ABCC4: variants seen among roughly 807,000 people sequenced by gnomAD.
The protein encoded by ABCC4 is ATP binding cassette subfamily C member 4 (PEL blood group).
ABCC4 carries 102 observed loss-of-function variants against 168.5 expected under a neutral mutation model. The ratio of observed to expected loss-of-function variants is 0.61; its 90% CI spans 0.52 to 0.71. The LOEUF (loss-of-function observed/expected upper bound fraction) is 0.71. ABCC4 is among the 30% of genes least tolerant of loss of function. ABCC4 has a pLI of 0.00. For synonymous variants in ABCC4, 617 were observed against 590.7 expected, an observed-to-expected ratio of 1.04 and a Z score of -0.65; for missense variants, 1,402 against 1,605.8, an observed-to-expected ratio of 0.87 and a Z score of 2.17.
At chr13:95,193,851 G>A (rs2038334671) in intron 9 of ABCC4, among the ~76,000 whole-genome samples, 1 of 152,238 alleles carries the variant, frequency 6.6e-6, no homozygotes, top group Non-Finnish European at 1.5e-5. Flanking sequence ...GCATGATCCA[G>A]GATCCGATCA....
At chr13:95,149,502 T>G (rs1405323685) in intron 19 of ABCC4, among the ~76,000 whole-genome samples, 1 of 151,952 alleles carries the variant, frequency 6.6e-6, no homozygotes, top group African/African-American at 2.4e-5. Flanking sequence ...CCAAAGGAAA[T>G]AAATTTTATG....
rs1383462907 is a variant in ABCC4, at chr13:95,114,541, C to T, written c.2535+1381G>A. ...TGAGGGATAAATAATATAGCTAAACCCAGGAGGGCACATTTTAAAAATGTT... is the reference window on the plus strand; with the variant it reads ...TGAGGGATAAATAATATAGCTAAACTCAGGAGGGCACATTTTAAAAATGTT... On this transcript the variant is annotated intron_variant, in intron 20 of 30. Transcript: ENST00000645237. Among the ~76,000 whole-genome samples the T allele has an allele frequency of 2.0e-5, 3 of 151,914 alleles. No individual in the cohort carries two copies. In the East Asian group the frequency reaches 5.8e-4, roughly 29 times the overall value.
chr13:95,064,832 A>C (rs548729218), intron 25 of ABCC4, among the ~76,000 whole-genome samples: 1 of 152,322 alleles, frequency 6.6e-6, no homozygotes, highest in South Asian at 2.1e-4. Context: ...AAAGTCATCA[A>C]AATTACAGTC....
At chr13:95,081,528 A>T (rs2034095677) in intron 21 of ABCC4, among the ~76,000 whole-genome samples, 1 of 152,194 alleles carries the variant, frequency 6.6e-6, no homozygotes, top group African/African-American at 2.4e-5. Flanking sequence ...AGCAAGTCCT[A>T]TTGGCCAAGT....
intron 30 of ABCC4, among the ~76,000 whole-genome samples, chr13:95,025,182 C>T (rs2139195279): frequency 7.1e-6 from 1 of 141,738 alleles, no homozygotes; most frequent in East Asian, 2.1e-4. Context: ...CACACACCCA[C>T]ACACACCCAC....
intron 1 of ABCC4, among the ~76,000 whole-genome samples, chr13:95,282,588 G>A (rs1190055142): frequency 1.3e-5 from 2 of 151,836 alleles, no homozygotes; most frequent in South Asian, 2.1e-4. Flanking sequence ...AGGCTGGAGT[G>A]CAGTGGCACA....
At chr13:95,157,285 C>G (rs1040137669) in intron 19 of ABCC4, among the ~76,000 whole-genome samples, 1 of 151,294 alleles carries the variant, frequency 6.6e-6, no homozygotes, top group Non-Finnish European at 1.5e-5. Flanking sequence ...GGGAAAACTG[C>G]TATCTCAGTA....
In ABCC4 at chr13:95,206,700, G is replaced by A. The variant is rs550657413; in HGVS notation, c.993C>T (p.Ile331=). The change falls in exon 8 of 31, where the codon ATC becomes ATT. Residue 331 remains isoleucine (I), a synonymous_variant. Coordinates refer to ENST00000645237, the MANE Select transcript of ABCC4 (RefSeq NM_005845.5). ...LASFFSASKI[I]VFVTFTTYVL... The stretch of plus-strand genomic sequence containing the variant: ...CGTAGGTGGTGAAGGTCACAAACAC[G>A]ATGATTTTGCTTGCACTGAAAAATG... 8.7e-6 allele frequency: 14 copies of A among 1,614,138 alleles called. No homozygotes were observed. The East Asian group carries it at 8.9e-5, about 10-fold the overall frequency.
At chr13:95,242,492 CT>C (rs920196516) in intron 3 of ABCC4, among the ~76,000 whole-genome samples, 1 of 151,984 alleles carries the variant, frequency 6.6e-6, no homozygotes, top group Admixed American at 6.6e-5. Context: ...TCCCAAAGTG[CT>C]GGGATTACAG....
chr13:95,249,085 C>T (rs2040190270), intron 1 of ABCC4, among the ~76,000 whole-genome samples: 1 of 151,882 alleles, frequency 6.6e-6, no homozygotes, highest in Non-Finnish European at 1.5e-5. Context: ...GCCAGATGTA[C>T]TGGTGTAAGC....
chr13:95,164,820 G>C (rs916621748), intron 15 of ABCC4, among the ~76,000 whole-genome samples: 4 of 151,998 alleles, frequency 2.6e-5, no homozygotes, highest in Admixed American at 1.3e-4. Context: ...TCAGCCTCCT[G>C]AGTAGCAGGG....
intron 25 of ABCC4, among the ~76,000 whole-genome samples, chr13:95,066,352 A>G (rs1327108620): frequency 6.6e-6 from 1 of 152,180 alleles, no homozygotes; most frequent in Non-Finnish European, 1.5e-5. Flanking sequence ...AAATCTGCGA[A>G]TTCCTTCTAT....
chr13:95,194,786 T>C (rs754337647), intron 9 of ABCC4, 50 bp downstream of exon 9: 9 of 1,447,510 alleles, frequency 6.2e-6, no homozygotes, highest in Non-Finnish European at 8.7e-6. Context: ...ATTAAATCAA[T>C]GTCACTCATT....
intron 20 of ABCC4, among the ~76,000 whole-genome samples, chr13:95,102,740 C>T (rs1284659146): frequency 1.3e-5 from 2 of 151,618 alleles, no homozygotes; most frequent in South Asian, 2.1e-4. Flanking sequence ...CCTGCCTCAG[C>T]CCCCCAAGTA....
intron 1 of ABCC4, among the ~76,000 whole-genome samples, chr13:95,254,033 C>A (rs1420067264): frequency 6.6e-6 from 1 of 152,082 alleles, no homozygotes; most frequent in Non-Finnish European, 1.5e-5. Context: ...GCTGGGATAA[C>A]AAGGCACGTG....
intron 19 of ABCC4, among the ~76,000 whole-genome samples, chr13:95,142,059 A>G (rs941563648): frequency 2.0e-5 from 3 of 152,256 alleles, no homozygotes; most frequent in African/African-American, 4.8e-5. Context: ...AAGTAGAACT[A>G]CCATTTGATC....
intron 1 of ABCC4, among the ~76,000 whole-genome samples, chr13:95,263,948 G>A (rs115133999): frequency 0.012 from 1,833 of 152,160 alleles, 34 homozygotes; most frequent in African/African-American, 0.042. Flanking sequence ...ATCCAAGATC[G>A]GGGCAGAAGA....
chr13:95,194,796 T>C, intron 9 of ABCC4, 40 bp downstream of exon 9: 3 of 1,516,336 alleles, frequency 2.0e-6, no homozygotes, highest in Non-Finnish European at 2.7e-6. Context: ...TGTCACTCAT[T>C]ATCTTCAGCA....
intron 30 of ABCC4, among the ~76,000 whole-genome samples, chr13:95,033,429 C>T (rs371826182): frequency 2.6e-5 from 4 of 152,146 alleles, no homozygotes; most frequent in African/African-American, 9.7e-5. Context: ...ACAACTCTCA[C>T]CTCACAGAAT....
Sources: allele counts gnomAD v4.1 joint callset (sites outside exome capture counted in the v4.1 genomes callset), GRCh38; gene constraint gnomAD v4.1.1; transcripts MANE v1.5; gene names NCBI Gene and HGNC (gene_info 2026-07-23, HGNC 2026-07-21).